The following EXTL2 variants were observed in gnomAD, a reference collection of about 807,000 sequenced individuals.
EXTL2 encodes the protein exostosin like glycosyltransferase 2, also known as exostosin-like 2.
A neutral mutation model predicts 30.7 loss-of-function variants in EXTL2; 23 were observed. The observed-to-expected ratio is 0.75, with a 90% CI of 0.54 to 1.06. The LOEUF (loss-of-function observed/expected upper bound fraction) is 1.06, where lower values mean the gene tolerates loss of function less well. EXTL2 is among the 50% of genes least tolerant of loss of function. The probability of loss-of-function intolerance (pLI) is 0.00; values close to 1 mark genes in which losing one functional copy is unlikely to be tolerated. For synonymous variants in EXTL2, 123 were observed against 133.8 expected (o/e 0.92, Z 0.56); for missense variants, 352 against 396.3 (o/e 0.89, Z 0.95).
chr1:100,888,681 T>C (rs1650165567), intron 2 of EXTL2, 72 bp downstream of exon 2: 3 of 794,882 alleles, frequency 3.8e-6, no homozygotes, highest in Non-Finnish European at 6.3e-6. Flanking sequence ...TTAAAACCCG[T>C]TAAGGTGATA....
chr1:100,874,078 C>A lies in EXTL2; in HGVS notation c.857G>T (p.Arg286Leu). ...AGACCTCTGCAGAGCGTGCTCAGCT[C>A]GATGCCACATTCCAGAATAGCCACT... The part of the protein sequence containing the change: ...TNSGYSGMWH[R>L]AEHALQRSYC... Residue 286 changes from arginine (R) to leucine (L), a missense_variant, in exon 5 of 5, where the codon CGA becomes CTA. Physicochemically the swap from Arg to Leu is moderately radical, Grantham distance 102 (BLOSUM62 -2). Coordinates refer to ENST00000370114, the MANE Select transcript of EXTL2 (RefSeq NM_001033025.3). 6.2e-7 allele frequency: 1 copy of A among 1,613,092 alleles called. No homozygotes were observed. The highest frequency in any genetic ancestry group is 1.7e-4 in the Middle Eastern group (1 of 5,964).
intron 1 of EXTL2, among the ~76,000 whole-genome samples, chr1:100,891,302 A>AT (rs1319704523): frequency 6.6e-6 from 1 of 152,200 alleles, no homozygotes; most frequent in Non-Finnish European, 1.5e-5. Flanking sequence ...TGACCGTATT[A>AT]TTGTTTTTAT....
At chr1:100,891,357 G>A (rs910175473) in intron 1 of EXTL2, among the ~76,000 whole-genome samples, 2 of 152,152 alleles carry the variant, frequency 1.3e-5, no homozygotes, top group East Asian at 1.9e-4. Flanking sequence ...TAGACCGAAC[G>A]AATTTATCAA....
At chr1:100,879,411 T>A (rs1649390367) in intron 2 of EXTL2, among the ~76,000 whole-genome samples, 2 of 152,074 alleles carry the variant, frequency 1.3e-5, no homozygotes, top group Non-Finnish European at 2.9e-5. Context: ...AATGAACTAT[T>A]CAAAGAAATT....
intron 2 of EXTL2, 99 bp downstream of exon 2, chr1:100,888,654 A>C (rs551290904): frequency 3.7e-4 from 198 of 529,546 alleles, no homozygotes; most frequent in Non-Finnish European, 5.3e-4. Flanking sequence ...AACAGTTAAC[A>C]CTACTGAACT....
intron 2 of EXTL2, among the ~76,000 whole-genome samples, chr1:100,880,283 C>A (rs1335109452): frequency 6.6e-6 from 1 of 152,104 alleles, no homozygotes; most frequent in Non-Finnish European, 1.5e-5. Flanking sequence ...AGGAGAAGAT[C>A]ATTGTCATTC....
intron 1 of EXTL2, among the ~76,000 whole-genome samples, chr1:100,889,691 T>C (rs563052897): frequency 1.3e-5 from 2 of 152,204 alleles, no homozygotes; most frequent in Non-Finnish European, 2.9e-5. Flanking sequence ...ACAGGCCCCA[T>C]GCAAGTCCGA....
intron 1 of EXTL2, among the ~76,000 whole-genome samples, chr1:100,892,505 A>T (rs1237583229): frequency 6.6e-6 from 1 of 152,128 alleles, no homozygotes; most frequent in East Asian, 1.9e-4. Context: ...TTGAGCCACT[A>T]CTGGCTTTGT....
At chr1:100,876,939 T>A (rs946152367) in intron 3 of EXTL2, 75 bp from the exon 4 acceptor site, 1 of 912,134 alleles carries the variant, frequency 1.1e-6, no homozygotes, top group Admixed American at 1.9e-5. Context: ...CAATAGTGTC[T>A]ATATAGATCA....
chr1:100,889,252 C>T (rs1650219172), intron 1 of EXTL2, among the ~76,000 whole-genome samples: 1 of 152,180 alleles, frequency 6.6e-6, no homozygotes, highest in Non-Finnish European at 1.5e-5. Flanking sequence ...AAAACTGCCA[C>T]TTTTATAACC....
chr1:100,885,074 A>G (rs1649856029), intron 2 of EXTL2, among the ~76,000 whole-genome samples: 1 of 152,246 alleles, frequency 6.6e-6, no homozygotes, highest in African/African-American at 2.4e-5. Flanking sequence ...TTCCCTACAT[A>G]GAAGAGCTGG....
chr1:100,875,260 C>CACAT (rs1649021882), intron 4 of EXTL2, among the ~76,000 whole-genome samples: 1 of 149,248 alleles, frequency 6.7e-6, no homozygotes, highest in Admixed American at 6.7e-5. Context: ...CACACACACA[C>CACAT]GAGGCTGAGT....
intron 1 of EXTL2, among the ~76,000 whole-genome samples, chr1:100,890,955 G>A (rs1278419015): frequency 1.3e-5 from 2 of 152,224 alleles, no homozygotes; most frequent in African/African-American, 4.8e-5. Context: ...ACTATGACCT[G>A]CTGAGGTGCT....
chr1:100,892,661 G>C (rs150226735), intron 1 of EXTL2, among the ~76,000 whole-genome samples: 14 of 152,064 alleles, frequency 9.2e-5, no homozygotes, highest in African/African-American at 3.1e-4. Context: ...CTAATATAAG[G>C]ATCCAGAAGC....
chr1:100,881,057 T>A, intron 2 of EXTL2: 1 of 983,286 alleles, frequency 1.0e-6, no homozygotes, highest in Non-Finnish European at 1.2e-6. Flanking sequence ...TTTACCTGTA[T>A]CAGAAAGGTT....
chr1:100,882,176 G>A (rs1242596415), intron 2 of EXTL2, among the ~76,000 whole-genome samples: 1 of 152,164 alleles, frequency 6.6e-6, no homozygotes, highest in Non-Finnish European at 1.5e-5. Flanking sequence ...CCACTGCTGG[G>A]GACACCAAGG....
At position 100,887,990 on chromosome 1, in the gene EXTL2, G is replaced by A. The variant is rs555729655; in HGVS notation, c.5+763C>T. On this transcript the variant is annotated intron_variant, in intron 2 of 4. Coordinates refer to ENST00000370114, the MANE Select transcript of EXTL2 (RefSeq NM_001033025.3). The stretch of plus-strand genomic sequence containing the variant: ...TGGAATTACAGGCGTGAGCCACCGC[G>A]CCCTGCCCGCCACATTGTATTTTCT... 3.9e-5 allele frequency among the ~76,000 whole-genome samples: 6 copies of A among 152,292 alleles called. No individual in the cohort carries two copies. In the East Asian group the frequency reaches 7.7e-4, roughly 20 times the overall value.
rs1296019438 is a variant in EXTL2, at chr1:100,873,243, A to G, written c.*699T>C. The G allele has an allele frequency of 6.6e-6, 1 of 152,132 alleles. No individual in the cohort carries two copies. The highest frequency in any genetic ancestry group is 2.4e-5 in the African/African-American group (1 of 41,450). The allele number at this position is 152,132 out of a possible 1,614,324, so 9.4% of individuals were successfully genotyped here. On this transcript the variant is annotated 3_prime_UTR_variant, in exon 5 of 5. Transcript: ENST00000370114. ...TTGCTGCATATAAGTGGCGTGTAAG[A>G]AATACAGGGTATATTGTTTTGTGAT...
intron 4 of EXTL2, among the ~76,000 whole-genome samples, chr1:100,875,686 G>T (rs1649058550): frequency 6.6e-6 from 1 of 151,944 alleles, no homozygotes; most frequent in Admixed American, 6.6e-5. Context: ...GTTGGTCAAT[G>T]GACTGAAATT....
Sources: allele counts gnomAD v4.1 joint callset (sites outside exome capture counted in the v4.1 genomes callset), GRCh38; gene constraint gnomAD v4.1.1; transcripts MANE v1.5; gene names NCBI Gene and HGNC (gene_info 2026-07-23, HGNC 2026-07-21).